BTBD2: variants seen among roughly 807,000 people sequenced by gnomAD.
BTBD2 encodes the protein BTB domain containing 2, also known as BTB/POZ domain-containing protein 2.
In BTBD2, 15 loss-of-function variants were observed where a neutral mutation model predicts 44.0. The observed-to-expected ratio is 0.34, with a 90% confidence interval of 0.23 to 0.53. BTBD2 has a LOEUF of 0.53. BTBD2 is among the 20% of genes least tolerant of loss of function. The probability of loss-of-function intolerance (pLI) is 0.95; values close to 1 mark genes in which losing one functional copy is unlikely to be tolerated. For missense variants in BTBD2, 657 were observed against 746.4 expected (o/e 0.88, Z 1.39); for synonymous variants, 443 against 335.9 (o/e 1.32, Z -3.49).
At chr19:2,000,045 C>T (rs1181965750) in intron 1 of BTBD2, among the ~76,000 whole-genome samples, 1 of 152,076 alleles carries the variant, frequency 6.6e-6, no homozygotes, top group African/African-American at 2.4e-5. Context: ...AGCGATGCGG[C>T]CACAGGCCAA....
intron 1 of BTBD2, among the ~76,000 whole-genome samples, chr19:2,009,495 C>A (rs62129528): frequency 2.6e-5 from 4 of 151,178 alleles, no homozygotes; most frequent in Admixed American, 6.6e-5. Context: ...ACCACACCCA[C>A]CCAGATTGTT....
rs2016520109 is a variant in BTBD2 at position 2,015,321 on chromosome 19, C to G, written c.383G>C (p.Ser128Thr). 6.4e-7 allele frequency: 1 copy of G among 1,574,068 alleles called. No homozygotes were observed. Among genetic ancestry groups the G allele is most frequent in the Non-Finnish European group, 8.6e-7 (1 of 1,167,624 alleles). ...DVHFLVGKGL[S>T]SQRIPAHRFV... ...CCTGTGCGCGGGGATGCGCTGCGAG[C>G]TGAGCCCCTTGCCCACCAGGAAGTG... The change falls in exon 1 of 9, where the codon AGC (serine) becomes ACC (threonine). Residue 128 changes from serine (S) to threonine (T), a missense_variant. Ser to Thr is a moderately conservative substitution (Grantham distance 58). Around this residue, in one of 3 missense-constraint regions of BTBD2, gnomAD observed 191 missense variants for 188.5 expected, o/e 1.01. Coordinates refer to ENST00000255608, the MANE Select transcript of BTBD2 (RefSeq NM_017797.4).
At chr19:1,987,284 G>T (rs2016101239) in intron 6 of BTBD2, 31 bp from the exon 7 acceptor site, 1 of 1,605,150 alleles carries the variant, frequency 6.2e-7, no homozygotes, top group African/African-American at 1.3e-5. Flanking sequence ...CAGCAGCGTG[G>T]ATACCCAGGG....
In BTBD2 at chr19:1,986,942, T is replaced by C; in HGVS notation, c.1304A>G (p.Gln435Arg). Reference sequence around the variant, plus strand: ...GTCGCAGCTGAAGCCCGTGTCGTTCTGGCCCAAGACGGTGTTGCTATCGGT... The same window carrying C: ...GTCGCAGCTGAAGCCCGTGTCGTTCCGGCCCAAGACGGTGTTGCTATCGGT... ...IHTDSNTVLG[Q>R]NDTGFSCDGS... The change falls in exon 8 of 9, where the codon CAG becomes CGG. Residue 435 changes from glutamine (Q) to arginine (R), a missense_variant. By Grantham distance (43) the Gln-to-Arg change is conservative. Transcript: ENST00000255608. 3 of 1,613,312 alleles carry C rather than the reference T, an allele frequency of 1.9e-6. No homozygotes were observed. The highest frequency in any genetic ancestry group is 2.5e-6 in the Non-Finnish European group (3 of 1,179,786).
At chr19:1,986,736 G>C in intron 8 of BTBD2, 87 bp from the exon 9 acceptor site, 7 of 1,579,092 alleles carry the variant, frequency 4.4e-6, no homozygotes, top group Non-Finnish European at 5.2e-6. Flanking sequence ...GACTGGGCCA[G>C]GGTGGCTGCC....
intron 3 of BTBD2, 140 bp downstream of exon 3, chr19:1,992,880 A>G (rs2016198777): frequency 7.9e-6 from 7 of 881,910 alleles, no homozygotes; most frequent in South Asian, 7.9e-5. Context: ...CCCAAAACAC[A>G]TTTTACTACC....
Position 2,015,322 on chromosome 19 carries a change from T to G in BTBD2, c.382A>C (p.Ser128Arg), listed in dbSNP as rs758283086. The change falls in exon 1 of 9, where the codon AGC becomes CGC. Residue 128 changes from serine to arginine, a missense_variant. Coordinates refer to ENST00000255608, the MANE Select transcript of BTBD2 (RefSeq NM_017797.4). ...DVHFLVGKGL[S>R]SQRIPAHRFV... ...CTGTGCGCGGGGATGCGCTGCGAGC[T>G]GAGCCCCTTGCCCACCAGGAAGTGC... The G allele has an allele frequency of 1.0e-5, 16 of 1,575,140 alleles. No homozygotes were observed. Among genetic ancestry groups the G allele is most frequent in the Non-Finnish European group, 1.4e-5 (16 of 1,168,188 alleles).
Position 1,986,107 on chromosome 19 carries a change from A to C in BTBD2, c.*381T>G. 1 of 208,690 alleles carries C rather than the reference A, an allele frequency of 4.8e-6. No homozygotes were observed. The allele number at this position is 208,690 out of a possible 1,614,324, so 12.9% of individuals were successfully genotyped here. A position where few individuals can be genotyped will look rare whatever the true frequency, so the allele number is the denominator to read the frequency against. On this transcript the variant is annotated 3_prime_UTR_variant, in exon 9 of 9. Coordinates refer to ENST00000255608, the MANE Select transcript of BTBD2 (RefSeq NM_017797.4). ...TCCTAGCAGAGAAATGGGAATCGCAAATGCATTGCAATGTGCAGTGAAGAG... is the reference window on the plus strand; with the variant it reads ...TCCTAGCAGAGAAATGGGAATCGCACATGCATTGCAATGTGCAGTGAAGAG...
chr19:2,009,291 C>T (rs528296472), intron 1 of BTBD2, among the ~76,000 whole-genome samples: 21 of 151,918 alleles, frequency 1.4e-4, no homozygotes, highest in African/African-American at 5.1e-4. Flanking sequence ...CTCCGCCTCC[C>T]GGGTTCAAGC....
At chr19:1,990,500 A>T in intron 4 of BTBD2, 1 of 611,204 alleles carries the variant, frequency 1.6e-6, no homozygotes, top group African/African-American at 1.8e-5. Context: ...GATGGTCACC[A>T]TCAGCTGGGA....
At position 1,987,925 on chromosome 19, in the gene BTBD2, G is replaced by A. The variant is rs1024929203; in HGVS notation, c.989-233C>T. On this transcript the variant is annotated intron_variant, in intron 5 of 8. Coordinates refer to ENST00000255608, the MANE Select transcript of BTBD2 (RefSeq NM_017797.4). ...CCGACAGATACGCTCACTCAGGGGC[G>A]ATGCCTCAGGGTCTGACAGATGCAC... is the stretch of plus-strand genomic sequence containing the variant. The A allele has an allele frequency of 9.1e-6, 5 of 549,414 alleles. No individual in the cohort carries two copies. In the East Asian group the frequency reaches 9.3e-5, roughly 10 times the overall value. The allele number at this position is 549,414 out of a possible 1,614,324, so 34.0% of individuals were successfully genotyped here.
At chr19:2,004,022 T>C (rs1465928692) in intron 1 of BTBD2, among the ~76,000 whole-genome samples, 1 of 151,642 alleles carries the variant, frequency 6.6e-6, no homozygotes, top group Non-Finnish European at 1.5e-5. Flanking sequence ...CCGAGATAAA[T>C]GCGTATCTGA....
At chr19:1,990,447 C>T in intron 4 of BTBD2, 1 of 612,608 alleles carries the variant, frequency 1.6e-6, no homozygotes, top group Non-Finnish European at 2.9e-6. Context: ...TTGACAAAAG[C>T]TGTTCAACAG....
In BTBD2 at chr19:1,998,444, G is replaced by C. The variant is rs768454168; in HGVS notation, c.408-981C>G. 2.0e-5 allele frequency among the ~76,000 whole-genome samples: 3 copies of C among 152,242 alleles called. No individual in the cohort carries two copies. In the South Asian group the frequency reaches 6.2e-4, roughly 31 times the overall value. On this transcript the variant is annotated intron_variant, in intron 1 of 8. Coordinates refer to ENST00000255608, the MANE Select transcript of BTBD2 (RefSeq NM_017797.4). ...CAGGAGCGTGGGAGGAGCGTTAGGA[G>C]GCAGCAGGGGTGGCCCCAGCTGGGA...
intron 7 of BTBD2, 80 bp from the exon 8 acceptor site, chr19:1,987,056 G>C: frequency 6.3e-7 from 1 of 1,588,006 alleles, no homozygotes; most frequent in South Asian, 1.1e-5. Context: ...CACCTGCCCA[G>C]GGTGGGGGCA....
intron 1 of BTBD2, among the ~76,000 whole-genome samples, chr19:1,999,972 AAAAAAAAAAAAAAG>A (rs1462642162): frequency 6.6e-6 from 1 of 150,696 alleles, no homozygotes; most frequent in Admixed American, 6.6e-5. Context: ...CCACCTCAAA[AAAAAAAAAAAAAAG>A]AAAAAGAAAA....
chr19:1,986,773 T>C, intron 8 of BTBD2, 57 bp downstream of exon 8: 2 of 1,571,548 alleles, frequency 1.3e-6, no homozygotes, highest in East Asian at 2.3e-5. Context: ...TGTGCCCCGG[T>C]GGCTTCAGGA....
At position 1,993,146 on chromosome 19, in the gene BTBD2, G is replaced by C; in HGVS notation, c.558C>G (p.Gly186=). ...ATAGCGTGGTCATCACCGTCTCCGGGCCAATCTGCACCTCGTCCGAGTAGA... is the reference window on the plus strand; with the variant it reads ...ATAGCGTGGTCATCACCGTCTCCGGCCCAATCTGCACCTCGTCCGAGTAGA... ...KFLYSDEVQI[G]PETVMTTLYT... is the part of the protein sequence containing the mutation. Residue 186 remains glycine (G), a synonymous_variant, in exon 3 of 9, where the codon GGC becomes GGG. Transcript: ENST00000255608. 8.1e-6 allele frequency: 13 copies of C among 1,605,444 alleles called. No homozygotes were observed. Among genetic ancestry groups the C allele is most frequent in the Non-Finnish European group, 1.0e-5 (12 of 1,179,592 alleles).
Position 1,990,058 on chromosome 19 carries a change from T to C in BTBD2, c.934A>G (p.Lys312Glu), listed in dbSNP as rs1425562469. The change falls in exon 5 of 9, where the codon AAG (lysine) becomes GAG (glutamate). Residue 312 changes from lysine (K) to glutamate (E), a missense_variant. Lys to Glu is a moderately conservative substitution (Grantham distance 56, BLOSUM62 1). This residue lies in a region of BTBD2 where 449 missense variants were observed against 510.9 expected (regional missense o/e 0.88). Coordinates refer to ENST00000255608, the MANE Select transcript of BTBD2 (RefSeq NM_017797.4). ...GGGAAGCGAATGAGGCCCAGGGCCT[T>C]GCCCAGAACCTTCCGCCTGTTCTCT... ...TPENRRKVLG[K>E]ALGLIRFPLM... 32 of 1,613,244 alleles carry C rather than the reference T, an allele frequency of 2.0e-5. No individual in the cohort carries two copies. The highest frequency in any genetic ancestry group is 1.5e-4 in the Admixed American group (9 of 60,000).
Sources: gnomAD v4.1 joint callset for allele counts (sites outside exome capture counted in the v4.1 genomes callset) on GRCh38, gnomAD v4.1.1 for gene constraint, gnomAD v4.1.1 regional missense constraint, MANE v1.5 for transcripts, NCBI Gene and HGNC (gene_info 2026-07-23, HGNC 2026-07-21) for gene names.